Variants in PLD5 observed in about 807,000 individuals in gnomAD.
PLD5 encodes inactive phospholipase D5.
PLD5 carries 36 observed loss-of-function variants against 61.1 expected under a neutral mutation model. The ratio of observed to expected loss-of-function variants is 0.59; its 90% CI spans 0.45 to 0.78. The LOEUF is 0.78. Among genes scored for constraint, PLD5 ranks in the 30% least tolerant of loss-of-function variants. The pLI, the probability that PLD5 is intolerant of heterozygous loss-of-function variation, is 0.00. For synonymous variants in PLD5, 243 were observed against 242.8 expected (o/e 1.00, Z -0.01); for missense variants, 515 against 644.4 (o/e 0.80, Z 2.17).
At chr1:242,197,524 C>T (rs1668708268) in intron 5 of PLD5, among the ~76,000 whole-genome samples, 1 of 152,168 alleles carries the variant, frequency 6.6e-6, no homozygotes, top group Admixed American at 6.5e-5. Context: ...AAACCTTTCT[C>T]CCCTTTCTCC....
intron 5 of PLD5, among the ~76,000 whole-genome samples, chr1:242,148,404 G>GA (rs1372305504): frequency 1.3e-5 from 2 of 151,470 alleles, no homozygotes; most frequent in Admixed American, 6.6e-5. Context: ...TAGTAGGTCA[G>GA]AAAATCAGGT....
chr1:242,346,271 A>C (rs563679278), intron 2 of PLD5, among the ~76,000 whole-genome samples: 2 of 151,908 alleles, frequency 1.3e-5, no homozygotes, highest in Admixed American at 1.3e-4. Context: ...GCTTCCTCCA[A>C]GTGAAAAAAA....
intron 1 of PLD5, among the ~76,000 whole-genome samples, chr1:242,387,683 A>G (rs1015556842): frequency 7.0e-6 from 1 of 143,822 alleles, no homozygotes. Context: ...TTTATATAAA[A>G]TTTTATCTAT....
At chr1:242,182,704 A>C (rs1667595011) in intron 5 of PLD5, among the ~76,000 whole-genome samples, 1 of 152,146 alleles carries the variant, frequency 6.6e-6, no homozygotes, top group Non-Finnish European at 1.5e-5. Flanking sequence ...TTAGCCGGGC[A>C]TGGTGGCACA....
intron 1 of PLD5, among the ~76,000 whole-genome samples, chr1:242,407,266 TCA>T (rs1664283633): frequency 7.7e-6 from 1 of 129,670 alleles, no homozygotes; most frequent in Admixed American, 7.7e-5. Flanking sequence ...TCCCCTCAGT[TCA>T]CCACGTGGAA....
rs1379013667 is a variant in PLD5 at position 242,524,426 on chromosome 1, G to A, written c.-150C>T. 5.4e-6 allele frequency: 4 copies of A among 739,844 alleles called. No individual in the cohort carries two copies. Among genetic ancestry groups the A allele is most frequent in the Non-Finnish European group, 7.4e-6 (4 of 540,504 alleles). 45.8% of individuals were successfully genotyped at this position (739,844 alleles called of 1,614,324 possible). On this transcript the variant is annotated 5_prime_UTR_variant, in exon 1 of 10. Coordinates refer to ENST00000536534, the MANE Select transcript of PLD5 (RefSeq NM_001372062.1). ...GAGCTGGAGGAGCGAGCGGGCGCGG[G>A]GAGCGCGGGGTGCTGAGCGCCAGCT...
At chr1:242,131,130 C>T (rs1663205883) in intron 5 of PLD5, among the ~76,000 whole-genome samples, 1 of 152,080 alleles carries the variant, frequency 6.6e-6, no homozygotes, top group Non-Finnish European at 1.5e-5. Context: ...ATGGTGAAAC[C>T]TCATCTCTAC....
intron 5 of PLD5, among the ~76,000 whole-genome samples, chr1:242,202,763 G>A (rs190415339): frequency 2.0e-3 from 297 of 152,122 alleles, no homozygotes; most frequent in Non-Finnish European, 2.3e-3. Context: ...AATTTTTAAA[G>A]CATCTAGTAA....
chr1:242,093,645 T>C (rs1472634216), intron 9 of PLD5, among the ~76,000 whole-genome samples: 1 of 152,124 alleles, frequency 6.6e-6, no homozygotes, highest in African/African-American at 2.4e-5. Context: ...CCATGTTGCC[T>C]CTGATCCTAA....
At chr1:242,372,252 C>G (rs993347822) in intron 1 of PLD5, among the ~76,000 whole-genome samples, 1 of 152,144 alleles carries the variant, frequency 6.6e-6, no homozygotes, top group Non-Finnish European at 1.5e-5. Flanking sequence ...CATAGCACAG[C>G]TATTTCCACA....
intron 1 of PLD5, among the ~76,000 whole-genome samples, chr1:242,416,880 C>T (rs1664860504): frequency 6.6e-6 from 1 of 152,212 alleles, no homozygotes; most frequent in Non-Finnish European, 1.5e-5. Context: ...GCAGCATTCA[C>T]ATACATTCTT....
At chr1:242,307,963 G>A (rs992754503) in intron 2 of PLD5, among the ~76,000 whole-genome samples, 1 of 152,110 alleles carries the variant, frequency 6.6e-6, no homozygotes, top group South Asian at 2.1e-4. Flanking sequence ...AATGGATTCT[G>A]ACATATTTTA....
chr1:242,270,995 T>C (rs1250800330), intron 3 of PLD5, among the ~76,000 whole-genome samples: 2 of 152,036 alleles, frequency 1.3e-5, no homozygotes, highest in East Asian at 1.9e-4. Flanking sequence ...CTGGAGAAGA[T>C]GGAAGTTAGA....
At chr1:242,128,141 C>CA (rs980512350) in intron 5 of PLD5, among the ~76,000 whole-genome samples, 2 of 151,586 alleles carry the variant, frequency 1.3e-5, no homozygotes, top group African/African-American at 4.8e-5. Context: ...CATGTCTTTA[C>CA]AAAAAAATAA....
intron 5 of PLD5, among the ~76,000 whole-genome samples, chr1:242,145,759 G>A (rs574414685): frequency 1.5e-4 from 23 of 152,110 alleles, no homozygotes; most frequent in South Asian, 8.3e-4. Context: ...TGCAACCTCC[G>A]CCTCCTGGGT....
At chr1:242,320,280 T>C (rs1269208224) in intron 2 of PLD5, among the ~76,000 whole-genome samples, 3 of 152,264 alleles carry the variant, frequency 2.0e-5, no homozygotes, top group Non-Finnish European at 4.4e-5. Flanking sequence ...ACATGAAGTA[T>C]AGCTCAAATA....
At chr1:242,251,787 A>T (rs1440533915) in intron 4 of PLD5, among the ~76,000 whole-genome samples, 2 of 152,186 alleles carry the variant, frequency 1.3e-5, no homozygotes, top group Non-Finnish European at 2.9e-5. Flanking sequence ...AGAGAAAAAA[A>T]CTTGACTGAA....
At chr1:242,267,796 G>A (rs1673783958) in intron 3 of PLD5, among the ~76,000 whole-genome samples, 1 of 150,714 alleles carries the variant, frequency 6.6e-6, no homozygotes, top group Non-Finnish European at 1.5e-5. Flanking sequence ...ATGAGGTTGT[G>A]CTTGAGCCTG....
intron 2 of PLD5, among the ~76,000 whole-genome samples, chr1:242,300,742 GGTT>G (rs1558443527): frequency 2.1e-4 from 1 of 4,768 alleles, no homozygotes; most frequent in Non-Finnish European, 9.3e-4. Flanking sequence ...GTCAGAAATG[GGTT>G]GCAGCGGGAC....
Sources: allele counts gnomAD v4.1 joint callset (sites outside exome capture counted in the v4.1 genomes callset), GRCh38; gene constraint gnomAD v4.1.1; transcripts MANE v1.5; gene names NCBI Gene and HGNC (gene_info 2026-07-23, HGNC 2026-07-21).